Variants in ETV1 observed in about 807,000 individuals in gnomAD.
The protein encoded by ETV1 is ETS translocation variant 1.
Under a neutral mutation model 62.3 loss-of-function variants are expected in ETV1, and 27 were observed. That is an observed-to-expected ratio of 0.43 (90% CI 0.32 to 0.60). ETV1 has a LOEUF of 0.60. Among genes scored for constraint, ETV1 ranks in the 20% least tolerant of loss-of-function variants. ETV1 has a pLI of 0.06. For synonymous variants in ETV1, 222 were observed against 199.6 expected, an observed-to-expected ratio of 1.11 and a Z score of -0.94; for missense variants, 605 against 605.8, an observed-to-expected ratio of 1.00 and a Z score of 0.01.
rs565279755 is a variant in ETV1, at chr7:13,901,812, T to A, written c.1111-973A>T. ...AGGAAGTGGAAAAGGTCACCATGTATATGAGTCCACAAACAAAAATCTCTA... is the reference window on the plus strand; with the variant it reads ...AGGAAGTGGAAAAGGTCACCATGTAAATGAGTCCACAAACAAAAATCTCTA... On this transcript the variant is annotated intron_variant, in intron 12 of 13. Transcript: ENST00000430479. 2.0e-5 allele frequency among the ~76,000 whole-genome samples: 3 copies of A among 152,308 alleles called. No individual in the cohort carries two copies. In the South Asian group the frequency reaches 6.2e-4, roughly 32 times the overall value.
intron 6 of ETV1, among the ~76,000 whole-genome samples, chr7:13,958,592 A>C (rs1466626811): frequency 6.6e-6 from 1 of 152,146 alleles, no homozygotes; most frequent in East Asian, 1.9e-4. Context: ...ACTGTTTGTT[A>C]CTATGGGCAA....
At chr7:13,986,875 C>A (rs1486426115) in intron 4 of ETV1, 190 bp from the exon 5 acceptor site, 2 of 530,906 alleles carry the variant, frequency 3.8e-6, no homozygotes, top group Non-Finnish European at 6.6e-6. Context: ...GCCTATTAAG[C>A]AACTCTTTAA....
At chr7:13,960,618 A>G (rs906894916) in intron 6 of ETV1, among the ~76,000 whole-genome samples, 14 of 152,066 alleles carry the variant, frequency 9.2e-5, no homozygotes, top group Non-Finnish European at 1.8e-4. Flanking sequence ...AAATTTGTAA[A>G]TCTATAAAAC....
intron 8 of ETV1, among the ~76,000 whole-genome samples, chr7:13,932,813 G>C (rs1326296696): frequency 6.6e-6 from 1 of 152,144 alleles, no homozygotes; most frequent in Non-Finnish European, 1.5e-5. Context: ...GCATTCCTGA[G>C]ACTTTAATTT....
intron 7 of ETV1, among the ~76,000 whole-genome samples, chr7:13,937,106 T>C (rs1191586709): frequency 1.3e-5 from 2 of 152,072 alleles, no homozygotes; most frequent in Non-Finnish European, 2.9e-5. Flanking sequence ...TAGAAAGAAA[T>C]ATTTCTTTTT....
chr7:13,974,387 GT>G (rs562763328), intron 6 of ETV1, among the ~76,000 whole-genome samples: 293 of 152,332 alleles, frequency 1.9e-3, no homozygotes, highest in Non-Finnish European at 3.8e-3. Context: ...CAAGGCTTCG[GT>G]TGTAGAAGAA....
chr7:13,955,263 C>T (rs988714182), intron 6 of ETV1, among the ~76,000 whole-genome samples: 7 of 152,038 alleles, frequency 4.6e-5, no homozygotes, highest in Admixed American at 3.9e-4. Context: ...AAGCTTCTAC[C>T]GAAAGTATTT....
chr7:13,906,208 C>G (rs1418503254), intron 12 of ETV1: 2 of 378,936 alleles, frequency 5.3e-6, no homozygotes, highest in Non-Finnish European at 4.7e-6. Flanking sequence ...TTAATTTTCT[C>G]CAACATCAAT....
At chr7:13,915,580 A>C (rs1784062829) in intron 9 of ETV1, among the ~76,000 whole-genome samples, 1 of 152,148 alleles carries the variant, frequency 6.6e-6, no homozygotes, top group Non-Finnish European at 1.5e-5. Context: ...TAAAATCCAA[A>C]GGTTTACAAG....
chr7:13,983,904 C>G (rs1344339971), intron 5 of ETV1, among the ~76,000 whole-genome samples: 1 of 151,546 alleles, frequency 6.6e-6, no homozygotes, highest in East Asian at 1.9e-4. Flanking sequence ...ACAGTCCTGC[C>G]TTATCTATTC....
chr7:13,943,843 T>C (rs1032661492), intron 6 of ETV1, among the ~76,000 whole-genome samples: 3 of 152,188 alleles, frequency 2.0e-5, no homozygotes, highest in African/African-American at 7.2e-5. Context: ...GATTTTTGCA[T>C]TATAATGAAT....
intron 6 of ETV1, among the ~76,000 whole-genome samples, chr7:13,940,277 G>T (rs1787323713): frequency 6.6e-6 from 1 of 151,322 alleles, no homozygotes; most frequent in African/African-American, 2.4e-5. Flanking sequence ...CGGGAGAATT[G>T]CTTGAACCCA....
At chr7:13,970,784 C>T (rs1243022369) in intron 6 of ETV1, among the ~76,000 whole-genome samples, 1 of 152,002 alleles carries the variant, frequency 6.6e-6, no homozygotes, top group African/African-American at 2.4e-5. Flanking sequence ...TGAAAACAAA[C>T]CACAAATGGA....
At chr7:13,964,721 T>C (rs778740134) in intron 6 of ETV1, among the ~76,000 whole-genome samples, 1 of 151,376 alleles carries the variant, frequency 6.6e-6, no homozygotes, top group Non-Finnish European at 1.5e-5. Flanking sequence ...TATTCCAGTA[T>C]CTGGAATAAG....
chr7:13,901,984 C>T (rs879537180), intron 12 of ETV1, among the ~76,000 whole-genome samples: 1 of 152,122 alleles, frequency 6.6e-6, no homozygotes, highest in Non-Finnish European at 1.5e-5. Flanking sequence ...TACCTCATCA[C>T]CACCCCAGGC....
At position 13,962,180 on chromosome 7, in the gene ETV1, TAC is replaced by T. The variant is rs113827897; in HGVS notation, c.235+15245_235+15246del. On this transcript the variant is annotated intron_variant, in intron 6 of 13. Transcript: ENST00000430479. The stretch of plus-strand genomic sequence containing the variant: ...TCACATAAACATATACAATGTTATG[TAC>T]ACACACACACACACACACACGTGTG... Among the ~76,000 whole-genome samples, 739 of 147,252 alleles carry T rather than the reference TAC, an allele frequency of 5.0e-3. 2 individuals are homozygous for T. The highest frequency in any genetic ancestry group is 0.013 in the African/African-American group (538 of 40,194).
At chr7:13,915,718 A>G (rs1237199156) in intron 9 of ETV1, among the ~76,000 whole-genome samples, 1 of 151,986 alleles carries the variant, frequency 6.6e-6, no homozygotes, top group Non-Finnish European at 1.5e-5. Flanking sequence ...GAGAAAACTT[A>G]TTTCATAAAG....
At chr7:13,972,064 C>T (rs10224623) in intron 6 of ETV1, among the ~76,000 whole-genome samples, 5,974 of 151,980 alleles carry the variant, frequency 0.039, 385 homozygotes, top group African/African-American at 0.13. Flanking sequence ...GAGCCGAGAT[C>T]GTGCCACTGC....
chr7:13,989,795 G>A, upstream of ETV1: 1 of 392,716 alleles, frequency 2.5e-6, no homozygotes. Context: ...TGTCAATCAG[G>A]CGGCTTGCTG....
Sources: gnomAD v4.1 joint callset for allele counts (sites outside exome capture counted in the v4.1 genomes callset) on GRCh38, gnomAD v4.1.1 for gene constraint, MANE v1.5 for transcripts, NCBI Gene and HGNC (gene_info 2026-07-23, HGNC 2026-07-21) for gene names.